The following SH3BP2 variants were observed in gnomAD, a reference collection of about 807,000 sequenced individuals.
SH3BP2 encodes SH3 domain-binding protein 2.
SH3BP2 carries 38 observed loss-of-function variants against 56.2 expected under a neutral mutation model. The ratio of observed to expected loss-of-function variants is 0.68; its 90% CI spans 0.52 to 0.89. The LOEUF is 0.89. SH3BP2 is among the 40% of genes least tolerant of loss of function. The pLI is 0.00. For synonymous variants in SH3BP2, 346 were observed against 316.7 expected, an observed-to-expected ratio of 1.09 and a Z score of -0.98; for missense variants, 748 against 762.6, an observed-to-expected ratio of 0.98 and a Z score of 0.23.
intron 1 of SH3BP2, among the ~76,000 whole-genome samples, chr4:2,813,116 A>G (rs887652147): frequency 2.0e-5 from 3 of 152,128 alleles, no homozygotes; most frequent in African/African-American, 7.2e-5. Context: ...GTTAACAGAG[A>G]AAGATTCTGG....
intron 1 of SH3BP2, among the ~76,000 whole-genome samples, chr4:2,806,535 C>T (rs907471812): frequency 1.3e-5 from 2 of 152,212 alleles, no homozygotes; most frequent in Non-Finnish European, 2.9e-5. Flanking sequence ...TGGCTCCAGG[C>T]GAGCAGCAGT....
At chr4:2,818,750 C>T (rs1724138683) in intron 1 of SH3BP2, 2 of 988,702 alleles carry the variant, frequency 2.0e-6, no homozygotes, top group South Asian at 4.7e-5. Context: ...GCGGCTGGGA[C>T]CCGCCCCTGA....
At position 2,835,521 on chromosome 4, in the gene SH3BP2, C is replaced by T. The variant is rs1274864384; in HGVS notation, c.*1687C>T. On this transcript the variant is annotated 3_prime_UTR_variant, in exon 13 of 13. Transcript: ENST00000503393. ...ATCTCTGGAAAACCAGCCATTCCTC[C>T]TCCCTGCAGTCAGAATTCTTTGCCC... 1 of 152,294 alleles carries T rather than the reference C, an allele frequency of 6.6e-6. No individual in the cohort carries two copies. Among genetic ancestry groups the T allele is most frequent in the Non-Finnish European group, 1.5e-5 (1 of 68,086 alleles). 9.4% of individuals were successfully genotyped at this position (152,294 alleles called of 1,614,324 possible).
chr4:2,805,176 CG>C (rs1466414850), intron 1 of SH3BP2, among the ~76,000 whole-genome samples: 1 of 152,152 alleles, frequency 6.6e-6, no homozygotes, highest in East Asian at 1.9e-4. Context: ...GGAAGGTGCC[CG>C]GCAGATTTCC....
At chr4:2,804,299 C>T (rs2108704425) in intron 1 of SH3BP2, among the ~76,000 whole-genome samples, 1 of 152,326 alleles carries the variant, frequency 6.6e-6, no homozygotes, top group African/African-American at 2.4e-5. Context: ...CGGGACTGCC[C>T]CAGTTACTCC....
intron 2 of SH3BP2, 139 bp downstream of exon 2, chr4:2,820,892 G>A: frequency 1.9e-6 from 2 of 1,037,748 alleles, no homozygotes; most frequent in Non-Finnish European, 2.8e-6. Flanking sequence ...CTGGTGGCTG[G>A]CACCCCTGGA....
intron 1 of SH3BP2, among the ~76,000 whole-genome samples, chr4:2,813,111 CAGAG>C (rs1344734172): frequency 6.6e-6 from 1 of 152,286 alleles, no homozygotes; most frequent in South Asian, 2.1e-4. Flanking sequence ...ATTATGTTAA[CAGAG>C]AAAGATTCTG....
intron 1 of SH3BP2, chr4:2,818,111 G>A (rs1724083219): frequency 2.5e-5 from 16 of 633,742 alleles, no homozygotes; most frequent in Middle Eastern, 7.7e-4. Context: ...TCCCGCGCAC[G>A]GTGACGCGGC....
intron 8 of SH3BP2, among the ~76,000 whole-genome samples, chr4:2,830,826 G>A (rs1724944875): frequency 6.6e-6 from 1 of 152,210 alleles, no homozygotes; most frequent in African/African-American, 2.4e-5. Flanking sequence ...GGCAGGTTTC[G>A]CATGGGTGTG....
intron 1 of SH3BP2, chr4:2,818,808 G>A: frequency 1.0e-6 from 1 of 986,914 alleles, no homozygotes; most frequent in Non-Finnish European, 1.2e-6. Flanking sequence ...AGGAGCTGGT[G>A]GGGTCCAGCC....
intron 1 of SH3BP2, chr4:2,818,452 C>A: frequency 2.2e-6 from 2 of 927,028 alleles, no homozygotes. Flanking sequence ...CGGCTCTGGA[C>A]CCCGCACCCC....
At chr4:2,803,103 A>G (rs905627842) in intron 1 of SH3BP2, among the ~76,000 whole-genome samples, 1 of 152,234 alleles carries the variant, frequency 6.6e-6, no homozygotes, top group Non-Finnish European at 1.5e-5. Context: ...GAAAAGTACC[A>G]CGGTGATGAG....
At chr4:2,801,169 G>T (rs944712008) in intron 1 of SH3BP2, among the ~76,000 whole-genome samples, 2 of 151,518 alleles carry the variant, frequency 1.3e-5, no homozygotes, top group Admixed American at 6.6e-5. Flanking sequence ...GAGGCTGGGG[G>T]CTGGGCTCCT....
At position 2,812,424 on chromosome 4, in the gene SH3BP2, G is replaced by A. The variant is rs559895123; in HGVS notation, c.-4-8190G>A. 3.3e-5 allele frequency: 51 copies of A among 1,550,288 alleles called. No homozygotes were observed. The South Asian group carries it at 3.9e-4, about 12-fold the overall frequency. ...TGGCCTCCCTGGGCCCCAGGACACCGGCCCCGAGCAGGTCACGAGGACGGA... is the reference window on the plus strand; with the variant it reads ...TGGCCTCCCTGGGCCCCAGGACACCAGCCCCGAGCAGGTCACGAGGACGGA... On this transcript the variant is annotated intron_variant, in intron 1 of 12. Transcript: ENST00000503393.
intron 1 of SH3BP2, among the ~76,000 whole-genome samples, chr4:2,811,412 G>A (rs1156537654): frequency 6.6e-6 from 1 of 152,198 alleles, no homozygotes; most frequent in African/African-American, 2.4e-5. Context: ...GCCCCAGAAA[G>A]CCCCTTTCTC....
intron 8 of SH3BP2, among the ~76,000 whole-genome samples, chr4:2,830,842 C>T (rs1054637450): frequency 1.3e-5 from 2 of 152,170 alleles, no homozygotes; most frequent in African/African-American, 4.8e-5. Flanking sequence ...GTGTGCTGGC[C>T]GGCACGCGCA....
At chr4:2,820,776 T>C in intron 2 of SH3BP2, 23 bp downstream of exon 2, 1 of 1,607,922 alleles carries the variant, frequency 6.2e-7, no homozygotes, top group Non-Finnish European at 8.5e-7. Flanking sequence ...GGTGGTAGGG[T>C]GCACAGTAGG....
intron 1 of SH3BP2, among the ~76,000 whole-genome samples, chr4:2,803,026 C>T (rs745321043): frequency 2.0e-5 from 3 of 152,214 alleles, no homozygotes; most frequent in African/African-American, 2.4e-5. Flanking sequence ...GGGCTGAGCC[C>T]GAGGTGTGTG....
In SH3BP2 at chr4:2,818,254, T is replaced by G. The variant is rs1577352308; in HGVS notation, c.-4-2360T>G. The G allele has an allele frequency of 1.0e-6, 1 of 994,224 alleles. No homozygotes were observed. Among genetic ancestry groups the G allele is most frequent in the Non-Finnish European group, 1.2e-6 (1 of 837,656 alleles). The allele number at this position is 994,224 out of a possible 1,614,324, so 61.6% of individuals were successfully genotyped here. Reference sequence around the variant, plus strand: ...GGGCTCCGGGCCGCGGCCGCGGAGCTGGGGCCGGCGGGAGGCGGGCGCCCG... The same window carrying G: ...GGGCTCCGGGCCGCGGCCGCGGAGCGGGGGCCGGCGGGAGGCGGGCGCCCG... On this transcript the variant is annotated intron_variant, in intron 1 of 12. Coordinates refer to ENST00000503393, the MANE Select transcript of SH3BP2 (RefSeq NM_001122681.2).
Sources: gnomAD v4.1 joint callset for allele counts (sites outside exome capture counted in the v4.1 genomes callset) on GRCh38, gnomAD v4.1.1 for gene constraint, MANE v1.5 for transcripts, NCBI Gene and HGNC (gene_info 2026-07-23, HGNC 2026-07-21) for gene names.